PCDHGB3: variants seen among roughly 807,000 people sequenced by gnomAD.
The protein encoded by PCDHGB3 is protocadherin gamma-B3.
In PCDHGB3, 40 loss-of-function variants were observed where a neutral mutation model predicts 59.2. That is an observed-to-expected ratio of 0.68 (90% CI 0.52 to 0.88). The LOEUF (loss-of-function observed/expected upper bound fraction) is 0.88. PCDHGB3 is among the 40% of genes least tolerant of loss of function. PCDHGB3 has a pLI of 0.00. For synonymous variants in PCDHGB3, 581 were observed against 503.6 expected (o/e 1.15, Z -2.06); for missense variants, 1,309 against 1,187.9 (o/e 1.10, Z -1.50).
chr5:141,388,572 G>A, intron 1 of PCDHGB3: 6 of 1,613,808 alleles, frequency 3.7e-6, no homozygotes, highest in South Asian at 2.2e-5. Flanking sequence ...ACAGATACAC[G>A]TTCTAGTGAC....
chr5:141,403,367 G>A (rs753470303), intron 1 of PCDHGB3: 1 of 1,614,038 alleles, frequency 6.2e-7, no homozygotes, highest in South Asian at 1.1e-5. Context: ...CGAAAGTCTG[G>A]AAGTAAAAAT....
At chr5:141,475,161 A>G (rs1433985907) in intron 1 of PCDHGB3, among the ~76,000 whole-genome samples, 1 of 152,138 alleles carries the variant, frequency 6.6e-6, no homozygotes, top group Non-Finnish European at 1.5e-5. Context: ...CTTCTTCATT[A>G]GCAGTGCAAC....
At chr5:141,414,557 A>T (rs749209012) in intron 1 of PCDHGB3, 25 of 1,613,906 alleles carry the variant, frequency 1.5e-5, no homozygotes, top group Non-Finnish European at 2.0e-5. Flanking sequence ...CAAGTCTCCT[A>T]CTTTACCTAT....
At chr5:141,495,984 ATC>A (rs2099765081) in intron 2 of PCDHGB3, among the ~76,000 whole-genome samples, 1 of 149,246 alleles carries the variant, frequency 6.7e-6, no homozygotes, top group East Asian at 2.0e-4. Context: ...CTCTTTCTTT[ATC>A]TCTCTTTTTC....
At chr5:141,386,950 A>C (rs538175836) in intron 1 of PCDHGB3, among the ~76,000 whole-genome samples, 7 of 152,364 alleles carry the variant, frequency 4.6e-5, no homozygotes, top group Non-Finnish European at 8.8e-5. Context: ...GCAGTGCTTC[A>C]GTGCAGCAGA....
In PCDHGB3 at chr5:141,432,645, C is replaced by T. The variant is rs758701539; in HGVS notation, c.2415+59836C>T. On this transcript the variant is annotated intron_variant, in intron 1 of 3. Coordinates refer to ENST00000576222, the MANE Select transcript of PCDHGB3 (RefSeq NM_018924.5). The surrounding 1 kb of genome is among the most constrained non-coding windows in gnomAD (Gnocchi z 6.0). Reference sequence around the variant, plus strand: ...CTGCACACGGGCGAGGTGCGCACGGCGCGAGCCCTGCTGGACAGAGACGCG... The same window carrying T: ...CTGCACACGGGCGAGGTGCGCACGGTGCGAGCCCTGCTGGACAGAGACGCG... 1 of 1,613,746 alleles carries T rather than the reference C, an allele frequency of 6.2e-7. No homozygotes were observed. Among genetic ancestry groups the T allele is most frequent in the Admixed American group, 1.7e-5 (1 of 60,006 alleles).
At chr5:141,426,374 C>G (rs908991939) in intron 1 of PCDHGB3, 2 of 219,094 alleles carry the variant, frequency 9.1e-6, no homozygotes, top group East Asian at 1.0e-4. Flanking sequence ...GGGGCACCCT[C>G]GGAGCAGATC....
intron 1 of PCDHGB3, among the ~76,000 whole-genome samples, chr5:141,454,750 T>C (rs992030704): frequency 1.3e-5 from 2 of 150,108 alleles, no homozygotes; most frequent in Admixed American, 6.7e-5. Flanking sequence ...GAGGCCAAAC[T>C]AATCTTGACA....
rs752999009 is a variant in PCDHGB3, at chr5:141,409,899, C to T, written c.2415+37090C>T. 4 of 1,613,152 alleles carry T rather than the reference C, an allele frequency of 2.5e-6. No individual in the cohort carries two copies. The East Asian group carries it at 8.9e-5, about 36-fold the overall frequency. ...AACGCACCGCGGGTGCTGTACCCAG[C>T]TCTGGGTCCTGACGGCTCCGCGTTC... On this transcript the variant is annotated intron_variant, in intron 1 of 3. Coordinates refer to ENST00000576222, the MANE Select transcript of PCDHGB3 (RefSeq NM_018924.5).
Position 141,489,748 on chromosome 5 carries a change from T to G in PCDHGB3, c.2416-5059T>G. 6.2e-7 allele frequency: 1 copy of G among 1,614,156 alleles called. No homozygotes were observed. Among genetic ancestry groups the G allele is most frequent in the African/African-American group, 1.3e-5 (1 of 75,054 alleles). On this transcript the variant is annotated intron_variant, in intron 1 of 3. Transcript: ENST00000576222. This position sits in a 1 kb window ranked among gnomAD's most constrained non-coding sequence, Gnocchi z 4.5. ...TGTGGGCACCAATACTGTGAGCTTTTACACTCTAAGCCCCAACAGCCACTT... is the reference window on the plus strand; with the variant it reads ...TGTGGGCACCAATACTGTGAGCTTTGACACTCTAAGCCCCAACAGCCACTT...
rs762408704 is a variant in PCDHGB3 at position 141,486,335 on chromosome 5, C to G, written c.2416-8472C>G. 6.2e-7 allele frequency: 1 copy of G among 1,613,936 alleles called. No individual in the cohort carries two copies. The highest frequency in any genetic ancestry group is 8.5e-7 in the Non-Finnish European group (1 of 1,180,002). ...AGGGTCAAACGGAGATGTGAGCCTC[C>G]GCATTCCTGACCACTTGCCATTTGC... On this transcript the variant is annotated intron_variant, in intron 1 of 3. Transcript: ENST00000576222. This position sits in a 1 kb window ranked among gnomAD's most constrained non-coding sequence, Gnocchi z 5.0.
At chr5:141,466,054 G>A (rs2099115921) in intron 1 of PCDHGB3, among the ~76,000 whole-genome samples, 1 of 152,080 alleles carries the variant, frequency 6.6e-6, no homozygotes, top group Non-Finnish European at 1.5e-5. Context: ...CCCAGGAGAC[G>A]GAGCTTGCAG....
At position 141,405,317 on chromosome 5, in the gene PCDHGB3, G is replaced by A. The variant is rs1443108777; in HGVS notation, c.2415+32508G>A. ...CAGCCAGCAGAGCTGTGAGAAAAAT[G>A]AGCCTTTGTGCGTCTCTGTTGATTC... On this transcript the variant is annotated intron_variant, in intron 1 of 3. Coordinates refer to ENST00000576222, the MANE Select transcript of PCDHGB3 (RefSeq NM_018924.5). 2.5e-6 allele frequency: 4 copies of A among 1,614,080 alleles called. No individual in the cohort carries two copies. The African/African-American group carries it at 5.3e-5, about 22-fold the overall frequency.
At position 141,372,540 on chromosome 5, in the gene PCDHGB3, C is replaced by T. The variant is rs1208837944; in HGVS notation, c.2146C>T (p.Arg716Ter). ...GATTCTGGCAATCTCCCTGCGCCTG[C>T]GATGCTCCTCCAGACCCGCCACTGA... Reference protein sequence around the residue: ...AVILAISLRLRCSSRPATEGY... With the variant: ...AVILAISLRL Residue 716 changes from arginine (R) to a stop codon, truncating the protein, a stop_gained, in exon 1 of 4, where the codon CGA (arginine) becomes TGA (stop). Coordinates refer to ENST00000576222, the MANE Select transcript of PCDHGB3 (RefSeq NM_018924.5). LOFTEE classifies it high-confidence loss of function. 2 of 1,614,012 alleles carry T rather than the reference C, an allele frequency of 1.2e-6. No homozygotes were observed. Among genetic ancestry groups the T allele is most frequent in the Non-Finnish European group, 1.7e-6 (2 of 1,179,892 alleles).
intron 1 of PCDHGB3, chr5:141,394,258 A>T: frequency 6.2e-7 from 1 of 1,613,912 alleles, no homozygotes; most frequent in Non-Finnish European, 8.5e-7. Context: ...CCCGACAGCC[A>T]GGAGAATGCC....
intron 2 of PCDHGB3, among the ~76,000 whole-genome samples, chr5:141,495,685 T>TA (rs758775501): frequency 1.3e-5 from 2 of 152,210 alleles, no homozygotes; most frequent in African/African-American, 2.4e-5. Context: ...TGCCATGGCA[T>TA]AAGTGCTCAA....
Position 141,388,955 on chromosome 5 carries a change from C to T in PCDHGB3, c.2415+16146C>T, listed in dbSNP as rs183330174. ...CTCTACCCAACCTAATTATGGAGGA[C>T]GCCGAGCTGGGAACACATATTGCTT... On this transcript the variant is annotated intron_variant, in intron 1 of 3. Transcript: ENST00000576222. 126 of 1,613,914 alleles carry T rather than the reference C, an allele frequency of 7.8e-5. 1 individual carries two copies. In the African/African-American group the frequency reaches 1.3e-3, roughly 17 times the overall value.
At chr5:141,400,059 T>C (rs2093953035) in intron 1 of PCDHGB3, 2 of 1,613,750 alleles carry the variant, frequency 1.2e-6, no homozygotes, top group South Asian at 2.2e-5. Context: ...CTGTGCGTGA[T>C]GGTGGACAGC....
At position 141,381,798 on chromosome 5, in the gene PCDHGB3, C is replaced by CTCTT. The variant is rs372235829; in HGVS notation, c.2415+9010_2415+9013dup. ...ATCAGGAACAAGGCAAGGCAATTCC[C>CTCTT]TCTTTCTTTCTTTCTTTCTTTCTTC... is the stretch of plus-strand genomic sequence containing the variant. On this transcript the variant is annotated intron_variant, in intron 1 of 3. Coordinates refer to ENST00000576222, the MANE Select transcript of PCDHGB3 (RefSeq NM_018924.5). Among the ~76,000 whole-genome samples, 697 of 144,002 alleles carry CTCTT rather than the reference C, an allele frequency of 4.8e-3. 9 individuals carry two copies. The highest frequency in any genetic ancestry group is 9.2e-3 in the South Asian group (42 of 4,556). 94.5% of individuals were successfully genotyped at this position (144,002 alleles called of 152,430 possible).
Sources: gnomAD v4.1 joint callset for allele counts (sites outside exome capture counted in the v4.1 genomes callset) on GRCh38, gnomAD v4.1.1 for gene constraint, Gnocchi (gnomAD v3.1) non-coding constraint, MANE v1.5 for transcripts, NCBI Gene and HGNC (gene_info 2026-07-23, HGNC 2026-07-21) for gene names.